The following VPS16 variants were observed in gnomAD, a reference collection of about 807,000 sequenced individuals.
The protein encoded by VPS16 is VPS16 core subunit of CORVET and HOPS complexes.
VPS16 carries 82 observed loss-of-function variants against 116.0 expected under a neutral mutation model. That is an observed-to-expected ratio of 0.71 (90% confidence interval 0.59 to 0.85). The LOEUF (loss-of-function observed/expected upper bound fraction) is 0.85. Among genes scored for constraint, VPS16 ranks in the 40% least tolerant of loss-of-function variants. VPS16 has a pLI of 0.00. For synonymous variants in VPS16, 406 were observed against 420.7 expected (o/e 0.96, Z 0.43); for missense variants, 928 against 1,090.6 (o/e 0.85, Z 2.10).
At chr20:2,842,672 CTATATATA>C (rs1231159705) in intron 1 of VPS16, among the ~76,000 whole-genome samples, 1 of 139,370 alleles carries the variant, frequency 7.2e-6, no homozygotes, top group Non-Finnish European at 1.5e-5. Context: ...ATAGATGTAT[CTATATATA>C]TATAGATACA....
At chr20:2,842,913 G>GATAGATA (rs1568621220) in intron 1 of VPS16, among the ~76,000 whole-genome samples, 21 of 149,048 alleles carry the variant, frequency 1.4e-4, no homozygotes, top group South Asian at 4.3e-4. Flanking sequence ...TATATGTTAT[G>GATAGATA]GATTGCAAGT....
In VPS16 at chr20:2,864,488, T is replaced by C; in HGVS notation, c.1818+26T>C. ...GTGTGTGTAGTGGGCAGGGTTGTGG[T>C]GTAGCCTTCTGAGCACTTGAGTTGG... On this transcript the variant is annotated intron_variant, in intron 18 of 23. Transcript: ENST00000380445. The surrounding 1 kb of genome is among the most constrained non-coding windows in gnomAD (Gnocchi z 5.2). 6.2e-7 allele frequency: 1 copy of C among 1,614,092 alleles called. No individual in the cohort carries two copies. Among genetic ancestry groups the C allele is most frequent in the Non-Finnish European group, 8.5e-7 (1 of 1,179,994 alleles).
rs1317021738 is a variant in VPS16 at position 2,863,329 on chromosome 20, A to G, written c.1407A>G (p.Ile469Met). The change falls in exon 15 of 24, where the codon ATA (isoleucine) becomes ATG (methionine). Residue 469 changes from isoleucine (I) to methionine (M), a missense_variant. Coordinates refer to ENST00000380445, the MANE Select transcript of VPS16 (RefSeq NM_022575.4). This position sits in a 1 kb window ranked among gnomAD's most constrained non-coding sequence, Gnocchi z 4.4. ...GACTTTACCCCCTGGCCATCCAGAT[A>G]TGCGAGTACTTGCGCCTTCCTGAAG... The part of the protein sequence containing the change: ...LRRLYPLAIQ[I>M]CEYLRLPEVQ... 1 of 1,614,172 alleles carries G rather than the reference A, an allele frequency of 6.2e-7. No homozygotes were observed. Among genetic ancestry groups the G allele is most frequent in the Non-Finnish European group, 8.5e-7 (1 of 1,180,024 alleles).
chr20:2,856,074 G>T (rs1397284650), intron 1 of VPS16, among the ~76,000 whole-genome samples: 1 of 152,172 alleles, frequency 6.6e-6, no homozygotes. Context: ...ACTAAGGTTA[G>T]TCGTTTCTAG....
At chr20:2,849,300 C>CTT (rs11473184) in intron 1 of VPS16, among the ~76,000 whole-genome samples, 3,944 of 133,634 alleles carry the variant, frequency 0.03, 165 homozygotes, top group Admixed American at 0.1. Flanking sequence ...GAATAAGATT[C>CTT]TTTTTTTTTT....
At position 2,861,678 on chromosome 20, in the gene VPS16, G is replaced by A. The variant is rs2089229625; in HGVS notation, c.873G>A (p.Val291=). Residue 291 remains valine, a synonymous_variant, in exon 9 of 24, where the codon GTG becomes GTA. Coordinates refer to ENST00000380445, the MANE Select transcript of VPS16 (RefSeq NM_022575.4). ...TGGCCTGGGAAAGGCGGCTGATGGT[G>A]GTGGGCGATGCACCCGAGAGCATCC... ...VVVAWERRLM[V]VGDAPESIQF... 1.9e-6 allele frequency: 3 copies of A among 1,613,144 alleles called. No individual in the cohort carries two copies. The African/African-American group carries it at 4.0e-5, about 22-fold the overall frequency.
At position 2,847,570 on chromosome 20, in the gene VPS16, C is replaced by T. The variant is rs144793834; in HGVS notation, c.53+6743C>T. Among the ~76,000 whole-genome samples the T allele has an allele frequency of 3.9e-3, 586 of 151,860 alleles. 2 individuals are homozygous for T. The highest frequency in any genetic ancestry group is 6.5e-3 in the Non-Finnish European group (443 of 67,948). On this transcript the variant is annotated intron_variant, in intron 1 of 23. Coordinates refer to ENST00000380445, the MANE Select transcript of VPS16 (RefSeq NM_022575.4). ...CTCGGCTCACTGCAACCTCTGCCTT[C>T]CGGGTTCAAGCAAATCTCCTGCCTC...
intron 1 of VPS16, among the ~76,000 whole-genome samples, chr20:2,841,764 T>C (rs975500374): frequency 2.5e-5 from 3 of 121,328 alleles, no homozygotes; most frequent in Non-Finnish European, 4.7e-5. Flanking sequence ...GCTGAAAGCA[T>C]TTTTTTTTTT....
rs1487186468 is a variant in VPS16, at chr20:2,860,430, C to T, written c.370-19C>T. 1 of 1,614,106 alleles carries T rather than the reference C, an allele frequency of 6.2e-7. No individual in the cohort carries two copies. The highest frequency in any genetic ancestry group is 1.7e-5 in the Admixed American group (1 of 60,016). On this transcript the variant is annotated intron_variant, in intron 4 of 23. Transcript: ENST00000380445. This position sits in a 1 kb window ranked among gnomAD's most constrained non-coding sequence, Gnocchi z 6.1. ...TTATGACCCTGTGGCTCCCTTAACC[C>T]ATGGCCCCCTTTCCTCAGGAAGTGC... is the stretch of plus-strand genomic sequence containing the variant.
chr20:2,864,429 G>C lies in VPS16; in HGVS notation c.1785G>C (p.Arg595=). The change falls in exon 18 of 24, where the codon CGG becomes CGC. Residue 595 remains arginine, a synonymous_variant. Transcript: ENST00000380445. This position sits in a 1 kb window ranked among gnomAD's most constrained non-coding sequence, Gnocchi z 5.2. ...LNRGDFFMTL[R]NQPMALSLYR... is the part of the protein sequence containing the mutation. The stretch of plus-strand genomic sequence containing the variant: ...GAGGAGATTTTTTCATGACCCTTCG[G>C]AATCAGCCCATGGCCCTCAGTTTGT... The C allele has an allele frequency of 6.2e-7, 1 of 1,614,194 alleles. No homozygotes were observed. Among genetic ancestry groups the C allele is most frequent in the Non-Finnish European group, 8.5e-7 (1 of 1,180,042 alleles).
In VPS16 at chr20:2,865,312, CAA is replaced by C. The variant is rs775847946; in HGVS notation, c.2170_2171del (p.Lys724GlufsTer44). ...TGGCACGTGACTTCCGCATCCCTGA[CAA>C]GAGGTAGGTGAGGGCCCAGGCTGCA... is the stretch of plus-strand genomic sequence containing the variant. ...QLARDFRIPD[K>X]RLWWLKLTAL... On this transcript the variant is annotated frameshift_variant, in exon 21 of 24. Transcript: ENST00000380445. LOFTEE classifies it high-confidence loss of function. The surrounding 1 kb of genome is among the most constrained non-coding windows in gnomAD (Gnocchi z 5.2). 3 of 1,614,182 alleles carry C rather than the reference CAA, an allele frequency of 1.9e-6. No homozygotes were observed. Among genetic ancestry groups the C allele is most frequent in the Admixed American group, 1.7e-5 (1 of 60,028 alleles).
chr20:2,844,661 T>A (rs1802869195), intron 1 of VPS16, among the ~76,000 whole-genome samples: 1 of 152,136 alleles, frequency 6.6e-6, no homozygotes, highest in Non-Finnish European at 1.5e-5. Flanking sequence ...TAAGAGAACA[T>A]GTTACAGACT....
Position 2,865,996 on chromosome 20 carries a change from C to G in VPS16, c.2272-216C>G. ...GCAGAAGCGTGGAAATAATTGGTCT[C>G]AAGTCTCTGACAGAGCTTTGGTTTA... On this transcript the variant is annotated intron_variant, in intron 22 of 23. Transcript: ENST00000380445. The surrounding 1 kb of genome is among the most constrained non-coding windows in gnomAD (Gnocchi z 5.2). 1 of 582,380 alleles carries G rather than the reference C, an allele frequency of 1.7e-6. No individual in the cohort carries two copies. The highest frequency in any genetic ancestry group is 3.1e-6 in the Non-Finnish European group (1 of 326,564). The allele number at this position is 582,380 out of a possible 1,614,324, so 36.1% of individuals were successfully genotyped here.
Position 2,861,013 on chromosome 20 carries a change from T to A in VPS16, c.674T>A (p.Met225Lys). Residue 225 changes from methionine (M) to lysine (K), a missense_variant, in exon 7 of 24, where the codon ATG becomes AAG. Physicochemically the swap from Met to Lys is moderately conservative, Grantham distance 95. Transcript: ENST00000380445. The part of the protein sequence containing the change: ...LAPGVSSFLQ[M>K]AVSFTYRHLA... ...CCAGGAGTAAGCAGCTTCCTACAGA[T>A]GGCTGTCTCCTTCACCTACCGACAC... The A allele has an allele frequency of 1.9e-6, 3 of 1,614,178 alleles. No homozygotes were observed.
chr20:2,866,566 A>G lies in VPS16; in HGVS notation c.2512A>G (p.Lys838Glu). The change falls in exon 24 of 24, where the codon AAG becomes GAG. Residue 838 changes from lysine to glutamate, a missense_variant. By Grantham distance (56) the Lys-to-Glu change is moderately conservative (BLOSUM62 1). Transcript: ENST00000380445. ...TCAACGGGCCAGGGCACAAGCCCAGAAGAAGTGAGGAGTCCATCCTGTACA... is the reference window on the plus strand; with the variant it reads ...TCAACGGGCCAGGGCACAAGCCCAGGAGAAGTGAGGAGTCCATCCTGTACA... ...KIQRARAQAQKK is the reference protein window; with the variant it reads ...KIQRARAQAQEK 1 of 1,614,116 alleles carries G rather than the reference A, an allele frequency of 6.2e-7. No individual in the cohort carries two copies. Among genetic ancestry groups the G allele is most frequent in the Non-Finnish European group, 8.5e-7 (1 of 1,180,006 alleles).
chr20:2,853,066 A>G (rs921086352), intron 1 of VPS16, among the ~76,000 whole-genome samples: 3 of 152,202 alleles, frequency 2.0e-5, no homozygotes, highest in African/African-American at 7.2e-5. Context: ...TGTCATTTCA[A>G]CAGTGTTCAC....
At position 2,865,012 on chromosome 20, in the gene VPS16, C is replaced by T. The variant is rs1341405241; in HGVS notation, c.1961C>T (p.Ala654Val). 1 of 1,614,144 alleles carries T rather than the reference C, an allele frequency of 6.2e-7. No individual in the cohort carries two copies. The highest frequency in any genetic ancestry group is 1.7e-5 in the Admixed American group (1 of 60,018). Reference protein sequence around the residue: ...IEGRVAALQTAADAFYKAKNE... With the variant: ...IEGRVAALQTVADAFYKAKNE... ...GGGCGAGTAGCAGCTCTGCAGACAG[C>T]CGCCGATGCCTTCTACAAGGCCAAG... Residue 654 changes from alanine (A) to valine (V), a missense_variant, in exon 20 of 24, where the codon GCC (alanine) becomes GTC (valine). Ala to Val is a moderately conservative substitution (Grantham distance 64). Transcript: ENST00000380445. This position sits in a 1 kb window ranked among gnomAD's most constrained non-coding sequence, Gnocchi z 5.2.
At chr20:2,845,635 TA>T (rs1240463510) in intron 1 of VPS16, among the ~76,000 whole-genome samples, 6 of 151,960 alleles carry the variant, frequency 3.9e-5, no homozygotes, top group Non-Finnish European at 8.8e-5. Context: ...ATACATGATA[TA>T]AAATTTACTC....
chr20:2,843,542 GAGA>G (rs1568621513), intron 1 of VPS16, among the ~76,000 whole-genome samples: 3 of 152,182 alleles, frequency 2.0e-5, no homozygotes, highest in African/African-American at 7.2e-5. Context: ...TGTTTCTGTG[GAGA>G]AGGAATTTCA....
Sources: gnomAD v4.1 joint callset for allele counts (sites outside exome capture counted in the v4.1 genomes callset) on GRCh38, gnomAD v4.1.1 for gene constraint, Gnocchi (gnomAD v3.1) non-coding constraint, MANE v1.5 for transcripts, NCBI Gene and HGNC (gene_info 2026-07-23, HGNC 2026-07-21) for gene names.